Variants in ARHGAP6 observed in about 807,000 individuals in gnomAD.
ARHGAP6 encodes the protein Rho GTPase activating protein 6.
Under a neutral mutation model 55.7 loss-of-function variants are expected in ARHGAP6, and 16 were observed. That is an observed-to-expected ratio of 0.29 (90% CI 0.19 to 0.44). The LOEUF (loss-of-function observed/expected upper bound fraction) is 0.44, where lower values mean the gene tolerates loss of function less well. Ranked by LOEUF, ARHGAP6 falls within the 20% of genes least tolerant of loss-of-function variation. The pLI is 1.00. For synonymous variants in ARHGAP6, 382 were observed against 360.9 expected (o/e 1.06, Z -0.66); for missense variants, 698 against 808.9 (o/e 0.86, Z 1.66).
chrX:11,630,864 T>TA (rs1280282132), intron 1 of ARHGAP6, among the ~76,000 whole-genome samples: 1 of 112,256 alleles, frequency 8.9e-6, no homozygotes, highest in Admixed American at 9.4e-5. Flanking sequence ...GCAATGTTAA[T>TA]ATGAATAGCA....
At position 11,352,898 on chromosome X, in the gene ARHGAP6, T is replaced by C. The variant is rs756683982; in HGVS notation, c.589-98191A>G. 8.0e-5 allele frequency among the ~76,000 whole-genome samples: 9 copies of C among 112,036 alleles called. No homozygotes were observed. In the South Asian group the frequency reaches 3.4e-3, roughly 42 times the overall value. ...TGGATTGATGTATACATACTATGTA[T>C]AGGTATATATACTACATATATATGC... On this transcript the variant is annotated intron_variant, in intron 1 of 12. Transcript: ENST00000337414.
intron 1 of ARHGAP6, among the ~76,000 whole-genome samples, chrX:11,442,102 T>C (rs995726066): frequency 1.8e-5 from 2 of 111,739 alleles, no homozygotes; most frequent in Non-Finnish European, 3.8e-5. Flanking sequence ...TTAAATTTCA[T>C]TTACAGCAGT....
chrX:11,365,645 G>A (rs1334922888), intron 1 of ARHGAP6, among the ~76,000 whole-genome samples: 4 of 112,146 alleles, frequency 3.6e-5, no homozygotes, highest in Admixed American at 9.4e-5. Context: ...TCATATTCAC[G>A]TTCATTAAAA....
rs530506744 is a variant in ARHGAP6 at position 11,284,016 on chromosome X, G to T, written c.589-29309C>A. Among the ~76,000 whole-genome samples, 9 of 111,863 alleles carry T rather than the reference G, an allele frequency of 8.0e-5. No homozygotes were observed. In the South Asian group the frequency reaches 2.6e-3, roughly 33 times the overall value. On this transcript the variant is annotated intron_variant, in intron 1 of 12. Coordinates refer to ENST00000337414, the MANE Select transcript of ARHGAP6 (RefSeq NM_013427.3). The stretch of plus-strand genomic sequence containing the variant: ...AGAAGGCTCAAAAAGGAGAAATTTT[G>T]TAGTTTTTACCCAAGCTATCATATC...
At chrX:11,168,204 C>A (rs187147543) in intron 9 of ARHGAP6, among the ~76,000 whole-genome samples, 168 of 112,200 alleles carry the variant, frequency 1.5e-3, no homozygotes, top group Non-Finnish European at 2.9e-3. Context: ...GGAAGGCTGT[C>A]CACTTAACAC....
intron 9 of ARHGAP6, among the ~76,000 whole-genome samples, chrX:11,165,519 A>C (rs971885794): frequency 1.8e-5 from 2 of 111,605 alleles, no homozygotes; most frequent in Non-Finnish European, 3.8e-5. Context: ...AATAGCAGAA[A>C]TCTTCCTTTA....
intron 1 of ARHGAP6, among the ~76,000 whole-genome samples, chrX:11,486,319 A>G (rs778052187): frequency 1.8e-5 from 2 of 111,904 alleles, no homozygotes; most frequent in South Asian, 7.5e-4. Flanking sequence ...GAGAATTAAA[A>G]TTTATTTTCT....
intron 1 of ARHGAP6, among the ~76,000 whole-genome samples, chrX:11,476,567 C>T (rs904583752): frequency 1.8e-5 from 2 of 110,948 alleles, no homozygotes; most frequent in Non-Finnish European, 3.8e-5. Flanking sequence ...TCAAGATTTA[C>T]TATAAAGCTA....
At chrX:11,495,631 G>A (rs2050614456) in intron 1 of ARHGAP6, among the ~76,000 whole-genome samples, 2 of 110,700 alleles carry the variant, frequency 1.8e-5, no homozygotes, top group African/African-American at 6.6e-5. Flanking sequence ...TTATGTCTGT[G>A]GCATGCTGAC....
intron 1 of ARHGAP6, among the ~76,000 whole-genome samples, chrX:11,410,145 G>A (rs2147763825): frequency 8.9e-6 from 1 of 111,918 alleles, no homozygotes; most frequent in African/African-American, 3.2e-5. Context: ...AGAAGTGAAA[G>A]CATACATCCA....
chrX:11,448,449 G>C (rs1422129853), intron 1 of ARHGAP6, among the ~76,000 whole-genome samples: 2 of 111,849 alleles, frequency 1.8e-5, no homozygotes, highest in African/African-American at 6.5e-5. Flanking sequence ...ATGGGGTTCA[G>C]AGCACTGGTT....
chrX:11,386,537 C>T (rs189648947), intron 1 of ARHGAP6, among the ~76,000 whole-genome samples: 39 of 111,263 alleles, frequency 3.5e-4, no homozygotes, highest in African/African-American at 7.2e-4. Context: ...CCAGATCCAC[C>T]GGCCATAATA....
At chrX:11,500,790 C>G (rs2050670658) in intron 1 of ARHGAP6, among the ~76,000 whole-genome samples, 1 of 109,150 alleles carries the variant, frequency 9.2e-6, no homozygotes, top group Admixed American at 9.9e-5. Context: ...GTTATAGAAT[C>G]TCAAGTGGAG....
At chrX:11,280,077 C>T (rs1275815087) in intron 1 of ARHGAP6, among the ~76,000 whole-genome samples, 1 of 111,496 alleles carries the variant, frequency 9.0e-6, no homozygotes, top group Non-Finnish European at 1.9e-5. Context: ...CAACATCCTA[C>T]AGTGCACAGA....
chrX:11,256,132 G>A (rs1402584963), intron 1 of ARHGAP6, among the ~76,000 whole-genome samples: 1 of 112,541 alleles, frequency 8.9e-6, no homozygotes, highest in Non-Finnish European at 1.9e-5. Context: ...GCTCACACCT[G>A]TAATCCCAGC....
At chrX:11,466,677 TGTTTCTTGTAGAGACGAG>T (rs1469917124) in intron 1 of ARHGAP6, among the ~76,000 whole-genome samples, 1 of 111,105 alleles carries the variant, frequency 9.0e-6, no homozygotes, top group Non-Finnish European at 1.9e-5. Context: ...GCTAATTTTT[TGTTTCTTGTAGAGACGAG>T]GTCTCTCTAT....
intron 1 of ARHGAP6, among the ~76,000 whole-genome samples, chrX:11,615,282 A>G (rs1328879969): frequency 9.0e-6 from 1 of 111,515 alleles, no homozygotes; most frequent in East Asian, 2.8e-4. Context: ...TTTTCCAAGC[A>G]CCACTTCCAT....
chrX:11,382,759 G>T (rs1227800903), intron 1 of ARHGAP6, among the ~76,000 whole-genome samples: 1 of 111,755 alleles, frequency 8.9e-6, no homozygotes, highest in African/African-American at 3.3e-5. Flanking sequence ...AATCACTACA[G>T]ATTCACTGAG....
At chrX:11,329,561 A>G (rs188142840) in intron 1 of ARHGAP6, among the ~76,000 whole-genome samples, 33 of 112,580 alleles carry the variant, frequency 2.9e-4, no homozygotes, top group Non-Finnish European at 5.6e-4. Flanking sequence ...CAAGAATTGT[A>G]TCTCTGTTAA....
Sources: gnomAD v4.1 joint callset for allele counts (sites outside exome capture counted in the v4.1 genomes callset) on GRCh38, gnomAD v4.1.1 for gene constraint, MANE v1.5 for transcripts, NCBI Gene and HGNC (gene_info 2026-07-23, HGNC 2026-07-21) for gene names.